The following RBFOX1 variants were observed in gnomAD, a reference collection of about 807,000 sequenced individuals.
The protein encoded by RBFOX1 is RNA binding fox-1 homolog 1, also known as RNA binding protein fox-1 homolog 1.
A neutral mutation model predicts 57.7 loss-of-function variants in RBFOX1; 8 were observed. The observed-to-expected ratio is 0.14, with a 90% CI of 0.08 to 0.25. The LOEUF is 0.25. RBFOX1 is among the 10% of genes least tolerant of loss of function. RBFOX1 has a pLI of 1.00. For missense variants in RBFOX1, 611 were observed against 548.5 expected, an observed-to-expected ratio of 1.11 and a Z score of -1.14; for synonymous variants, 326 against 222.4, an observed-to-expected ratio of 1.47 and a Z score of -4.15.
chr16:6,207,541 A>G (rs11640735), intron 1 of RBFOX1, among the ~76,000 whole-genome samples: 63,290 of 151,886 alleles, frequency 0.42, 13,446 homozygotes, highest in East Asian at 0.72. Context: ...TTCAAGGAGA[A>G]CTCGGTTTCT....
At position 6,486,225 on chromosome 16, in the gene RBFOX1, C is replaced by T. The variant is rs145166384; in HGVS notation, c.-63-168378C>T. ...TTTGAGAATCCAGGTACACACTCCT[C>T]ATTGTTGTCTTTGATTTGATTATAG... is the stretch of plus-strand genomic sequence containing the variant. On this transcript the variant is annotated intron_variant, in intron 2 of 15. Transcript: ENST00000550418. 4.3e-3 allele frequency among the ~76,000 whole-genome samples: 653 copies of T among 151,236 alleles called. 4 individuals are homozygous for T. Among genetic ancestry groups the T allele is most frequent in the African/African-American group, 0.015 (615 of 41,258 alleles).
At chr16:7,099,750 A>T (rs565994113) in intron 4 of RBFOX1, among the ~76,000 whole-genome samples, 35 of 152,192 alleles carry the variant, frequency 2.3e-4, no homozygotes, top group Admixed American at 8.5e-4. Context: ...TCCAGGTCAT[A>T]GGTAGATTTA....
At chr16:6,185,490 G>C (rs770605862) in intron 1 of RBFOX1, among the ~76,000 whole-genome samples, 2 of 152,168 alleles carry the variant, frequency 1.3e-5, no homozygotes, top group Non-Finnish European at 2.9e-5. Context: ...ACTCAAACCA[G>C]AGCCTTGCTT....
intron 1 of RBFOX1, among the ~76,000 whole-genome samples, chr16:5,406,215 G>C (rs1221226012): frequency 3.3e-5 from 5 of 152,136 alleles, no homozygotes; most frequent in Non-Finnish European, 1.5e-5. Context: ...TTGTCCCTGG[G>C]GTGATGGCGG....
intron 7 of RBFOX1, among the ~76,000 whole-genome samples, chr16:7,590,124 G>C (rs1337614742): frequency 3.3e-5 from 5 of 151,978 alleles, no homozygotes; most frequent in Admixed American, 3.3e-4. Flanking sequence ...AAAATTAGCT[G>C]GGCATGGTGA....
chr16:7,142,469 C>T lies in RBFOX1; in HGVS notation c.27+90371C>T, dbSNP rs117860608. Among the ~76,000 whole-genome samples, 609 of 152,158 alleles carry T rather than the reference C, an allele frequency of 4.0e-3. 4 individuals carry two copies. The highest frequency in any genetic ancestry group is 7.4e-3 in the Non-Finnish European group (502 of 67,994). On this transcript the variant is annotated intron_variant, in intron 4 of 15. Coordinates refer to ENST00000550418, the MANE Select transcript of RBFOX1 (RefSeq NM_018723.4). ...AGGCGACTCTGGCTTCCTGAGAGTC[C>T]CTGGAACAATTTAAGATTGTGTCCT...
rs934184491 is a variant in RBFOX1 at position 7,709,191 on chromosome 16, G to C, written c.1071+60G>C. The C allele has an allele frequency of 1.7e-5, 25 of 1,487,262 alleles. 1 individual carries two copies. Among genetic ancestry groups the C allele is most frequent in the Non-Finnish European group, 2.1e-5 (23 of 1,070,612 alleles). 92.1% of individuals were successfully genotyped at this position (1,487,262 alleles called of 1,614,324 possible). ...CTGCCTCCCTTCCCTTTCCCCAGCTGGGACCTCAGTACGGGTTGACGTCCT... is the reference window on the plus strand; with the variant it reads ...CTGCCTCCCTTCCCTTTCCCCAGCTCGGACCTCAGTACGGGTTGACGTCCT... On this transcript the variant is annotated intron_variant, in intron 15 of 15. Transcript: ENST00000550418.
At chr16:7,047,521 T>A (rs763599549) in intron 3 of RBFOX1, among the ~76,000 whole-genome samples, 7 of 152,108 alleles carry the variant, frequency 4.6e-5, no homozygotes, top group African/African-American at 1.7e-4. Context: ...CTGTGATATA[T>A]GTGGTTGTGG....
At position 7,128,817 on chromosome 16, in the gene RBFOX1, AC is replaced by A. The variant is rs1313979877; in HGVS notation, c.27+76720del. ...ATAATGGTAACTTTTTTTTCTTTTTACTTTTTTTTTTTTTTTTTTTTTAAGA... is the reference window on the plus strand; with the variant it reads ...ATAATGGTAACTTTTTTTTCTTTTTATTTTTTTTTTTTTTTTTTTTTAAGA... On this transcript the variant is annotated intron_variant, in intron 4 of 15. Coordinates refer to ENST00000550418, the MANE Select transcript of RBFOX1 (RefSeq NM_018723.4). Among the ~76,000 whole-genome samples, 7 of 95,318 alleles carry A rather than the reference AC, an allele frequency of 7.3e-5. No homozygotes were observed. The East Asian group carries it at 2.0e-3, about 27-fold the overall frequency. 62.5% of individuals were successfully genotyped at this position (95,318 alleles called of 152,430 possible).
chr16:7,370,156 G>A (rs1217745835), intron 4 of RBFOX1, among the ~76,000 whole-genome samples: 1 of 152,130 alleles, frequency 6.6e-6, no homozygotes, highest in Non-Finnish European at 1.5e-5. Flanking sequence ...TCCTCCCTGT[G>A]GATACCAGTA....
intron 3 of RBFOX1, among the ~76,000 whole-genome samples, chr16:6,867,879 T>C (rs1205358194): frequency 6.6e-6 from 1 of 152,156 alleles, no homozygotes; most frequent in African/African-American, 2.4e-5. Context: ...AACGATGTAT[T>C]ATATAGTCAT....
chr16:6,979,976 G>C (rs1291788781), intron 3 of RBFOX1, among the ~76,000 whole-genome samples: 1 of 152,002 alleles, frequency 6.6e-6, no homozygotes, highest in Non-Finnish European at 1.5e-5. Flanking sequence ...TGTTGGAGTG[G>C]GTACCTTCTA....
At chr16:6,150,572 C>T (rs193107610) in intron 1 of RBFOX1, among the ~76,000 whole-genome samples, 54 of 152,300 alleles carry the variant, frequency 3.5e-4, no homozygotes, top group Non-Finnish European at 4.7e-4. Flanking sequence ...AGGCCAACAT[C>T]ACAGAGAGGT....
chr16:6,399,093 G>T (rs58976947), intron 2 of RBFOX1, among the ~76,000 whole-genome samples: 54,227 of 152,140 alleles, frequency 0.36, 9,875 homozygotes, highest in East Asian at 0.55. Context: ...AAGGCTTGGG[G>T]CTTGCACCCT....
At chr16:6,321,928 T>C (rs1157204034) in intron 2 of RBFOX1, among the ~76,000 whole-genome samples, 2 of 152,202 alleles carry the variant, frequency 1.3e-5, no homozygotes, top group Non-Finnish European at 2.9e-5. Context: ...CAGATTGCTA[T>C]ACATCTTCAC....
At chr16:7,602,842 A>T (rs2095108624) in intron 9 of RBFOX1, among the ~76,000 whole-genome samples, 1 of 152,174 alleles carries the variant, frequency 6.6e-6, no homozygotes, top group African/African-American at 2.4e-5. Flanking sequence ...AGGCCACCAA[A>T]CAAGTCTCAA....
chr16:7,031,460 G>A (rs1373182781), intron 3 of RBFOX1, among the ~76,000 whole-genome samples: 1 of 152,000 alleles, frequency 6.6e-6, no homozygotes, highest in African/African-American at 2.4e-5. Flanking sequence ...GCTAGGCATG[G>A]TGGCACATGC....
Position 7,595,646 on chromosome 16 carries a change from A to G in RBFOX1, c.561+5A>G. ...GTAGAGGGCCGTAAAATCGAGGTGC[A>G]TGTTCAAAATATTTTCCTTTTCATC... On this transcript the variant is annotated splice_donor_5th_base_variant and intron_variant, in intron 8 of 15. Coordinates refer to ENST00000550418, the MANE Select transcript of RBFOX1 (RefSeq NM_018723.4). 1 of 1,570,330 alleles carries G rather than the reference A, an allele frequency of 6.4e-7. No homozygotes were observed. The highest frequency in any genetic ancestry group is 8.7e-7 in the Non-Finnish European group (1 of 1,155,496).
chr16:7,598,062 A>T (rs1329069789), intron 9 of RBFOX1, among the ~76,000 whole-genome samples: 1 of 152,196 alleles, frequency 6.6e-6, no homozygotes, highest in Admixed American at 6.5e-5. Flanking sequence ...CCTAAAAAGC[A>T]TTCACATATG....
Sources: gnomAD v4.1 joint callset for allele counts (sites outside exome capture counted in the v4.1 genomes callset) on GRCh38, gnomAD v4.1.1 for gene constraint, MANE v1.5 for transcripts, NCBI Gene and HGNC (gene_info 2026-07-23, HGNC 2026-07-21) for gene names.